HAPLN1: variants seen among roughly 807,000 people sequenced by gnomAD.
The protein encoded by HAPLN1 is Cartilage link protein.
A neutral mutation model predicts 36.5 loss-of-function variants in HAPLN1; 13 were observed. That is an observed-to-expected ratio of 0.36 (90% confidence interval 0.23 to 0.57). The LOEUF (loss-of-function observed/expected upper bound fraction) is 0.57. HAPLN1 is among the 20% of genes least tolerant of loss of function. The pLI is 0.83. For synonymous variants in HAPLN1, 202 were observed against 169.8 expected (o/e 1.19, Z -1.48); for missense variants, 407 against 439.7 (o/e 0.93, Z 0.66).
At position 83,677,131 on chromosome 5, in the gene HAPLN1, C is replaced by A. The variant is rs539662626; in HGVS notation, c.-26-3582G>T. ...TCAAACCAAGTGAAAGGCATGTGTGCTACTTCATGTGCCTTGAGAGCTAAC... is the reference window on the plus strand; with the variant it reads ...TCAAACCAAGTGAAAGGCATGTGTGATACTTCATGTGCCTTGAGAGCTAAC... On this transcript the variant is annotated intron_variant, in intron 1 of 4. Coordinates refer to ENST00000274341, the MANE Select transcript of HAPLN1 (RefSeq NM_001884.4). Among the ~76,000 whole-genome samples, 12 of 152,280 alleles carry A rather than the reference C, an allele frequency of 7.9e-5. No homozygotes were observed. In the South Asian group the frequency reaches 1.0e-3, roughly 13 times the overall value.
intron 1 of HAPLN1, among the ~76,000 whole-genome samples, chr5:83,707,932 A>G (rs1751688437): frequency 6.6e-6 from 1 of 152,252 alleles, no homozygotes; most frequent in Non-Finnish European, 1.5e-5. Context: ...CGAAGAAGGC[A>G]TACATGCAGC....
rs1046683406 is a variant in HAPLN1 at position 83,670,731 on chromosome 5, G to A, written c.100+2693C>T. Among the ~76,000 whole-genome samples the A allele has an allele frequency of 4.6e-5, 7 of 151,512 alleles. No homozygotes were observed. In the South Asian group the frequency reaches 1.5e-3, roughly 32 times the overall value. On this transcript the variant is annotated intron_variant, in intron 2 of 4. Coordinates refer to ENST00000274341, the MANE Select transcript of HAPLN1 (RefSeq NM_001884.4). ...TGTGTGTGTGATGGAGTCTCGCTCT[G>A]TTGCCCAGGCTGGAGTGCAGTGGCA...
At chr5:83,676,881 T>A (rs758607428) in intron 1 of HAPLN1, among the ~76,000 whole-genome samples, 1 of 152,188 alleles carries the variant, frequency 6.6e-6, no homozygotes, top group African/African-American at 2.4e-5. Flanking sequence ...AACTGAAATG[T>A]CTATGTTCAT....
At chr5:83,686,392 C>T (rs1024193745) in intron 1 of HAPLN1, among the ~76,000 whole-genome samples, 2 of 152,082 alleles carry the variant, frequency 1.3e-5, no homozygotes, top group East Asian at 1.9e-4. Context: ...TCTAGTGAGG[C>T]TTTCTGAATT....
At position 83,651,140 on chromosome 5, in the gene HAPLN1, G is replaced by T. The variant is rs140464199; in HGVS notation, c.472+1313C>A. Among the ~76,000 whole-genome samples, 509 of 152,134 alleles carry T rather than the reference G, an allele frequency of 3.3e-3. 3 individuals are homozygous for T. The highest frequency in any genetic ancestry group is 0.012 in the African/African-American group (481 of 41,500). On this transcript the variant is annotated intron_variant, in intron 3 of 4. Transcript: ENST00000274341. ...ATTACTTAAGTTTAGGAAATATTTTGCTATATAAACATAGGGTTTTAGAAG... is the reference window on the plus strand; with the variant it reads ...ATTACTTAAGTTTAGGAAATATTTTTCTATATAAACATAGGGTTTTAGAAG...
At chr5:83,680,524 A>G (rs1750974070) in intron 1 of HAPLN1, among the ~76,000 whole-genome samples, 3 of 152,184 alleles carry the variant, frequency 2.0e-5, no homozygotes, top group South Asian at 4.1e-4. Flanking sequence ...GAGATTTCAT[A>G]TAGGTTTTTA....
Position 83,659,056 on chromosome 5 carries a change from C to G in HAPLN1, c.101-6232G>C, listed in dbSNP as rs902304026. ...TGGGAGGCAGAGGTAGGTGGATCAC[C>G]TGAGGTCAGGTGTTTGAGACCAGCC... On this transcript the variant is annotated intron_variant, in intron 2 of 4. Coordinates refer to ENST00000274341, the MANE Select transcript of HAPLN1 (RefSeq NM_001884.4). Among the ~76,000 whole-genome samples the G allele has an allele frequency of 3.3e-5, 5 of 152,150 alleles. No homozygotes were observed. In the South Asian group the frequency reaches 1.0e-3, roughly 32 times the overall value.
intron 2 of HAPLN1, among the ~76,000 whole-genome samples, chr5:83,657,644 C>G (rs571125364): frequency 5.2e-4 from 79 of 152,118 alleles, no homozygotes; most frequent in Non-Finnish European, 8.8e-4. Context: ...TTGGGAACCT[C>G]CCTGATACAA....
intron 1 of HAPLN1, among the ~76,000 whole-genome samples, chr5:83,716,262 C>A (rs975546407): frequency 1.3e-5 from 2 of 152,042 alleles, no homozygotes; most frequent in African/African-American, 4.8e-5. Context: ...AATTTAGTAA[C>A]CAGTAGAGTA....
intron 1 of HAPLN1, among the ~76,000 whole-genome samples, chr5:83,701,639 C>G (rs1487821754): frequency 6.6e-6 from 1 of 152,134 alleles, no homozygotes; most frequent in East Asian, 1.9e-4. Flanking sequence ...ATATTCAACA[C>G]ATGAAAAAGT....
intron 1 of HAPLN1, among the ~76,000 whole-genome samples, chr5:83,685,303 T>G (rs928004146): frequency 6.6e-6 from 1 of 152,190 alleles, no homozygotes; most frequent in African/African-American, 2.4e-5. Context: ...AGGGATGCTA[T>G]GTATGCCTCT....
intron 1 of HAPLN1, among the ~76,000 whole-genome samples, chr5:83,684,182 A>G (rs1751068329): frequency 6.6e-6 from 1 of 152,160 alleles, no homozygotes; most frequent in Non-Finnish European, 1.5e-5. Flanking sequence ...CAATCTGAGC[A>G]TATCCAAAGA....
At chr5:83,664,942 T>C (rs537310931) in intron 2 of HAPLN1, among the ~76,000 whole-genome samples, 6 of 152,292 alleles carry the variant, frequency 3.9e-5, no homozygotes, top group African/African-American at 1.4e-4. Context: ...TTTAGTACTT[T>C]GGTACTTTAA....
Position 83,645,475 on chromosome 5 carries a change from C to CTTTTTTTTTTTTTTTTTTTTTTTTTTTTT in HAPLN1, c.473-811_473-810insAAAAAAAAAAAAAAAAAAAAAAAAAAAAA. On this transcript the variant is annotated intron_variant, in intron 3 of 4. Coordinates refer to ENST00000274341, the MANE Select transcript of HAPLN1 (RefSeq NM_001884.4). ...GTGATTTTCTTTTTTCTTTTTCTTTCTTTTTTTTTTTTTTTTAGCTCATCA... is the reference window on the plus strand; with the variant it reads ...GTGATTTTCTTTTTTCTTTTTCTTTCTTTTTTTTTTTTTTTTTTTTTTTTTTTTTTTTTTTTTTTTTTTTTAGCTCATCA... Among the ~76,000 whole-genome samples the CTTTTTTTTTTTTTTTTTTTTTTTTTTTTT allele has an allele frequency of 3.8e-4, 28 of 74,320 alleles. 1 individual carries two copies. Among genetic ancestry groups the CTTTTTTTTTTTTTTTTTTTTTTTTTTTTT allele is most frequent in the South Asian group, 5.2e-4 (1 of 1,918 alleles). The allele number at this position is 74,320 out of a possible 152,430, so 48.8% of individuals were successfully genotyped here.
chr5:83,680,858 T>C (rs1750982337), intron 1 of HAPLN1, among the ~76,000 whole-genome samples: 1 of 152,136 alleles, frequency 6.6e-6, no homozygotes. Flanking sequence ...TAAAATCACC[T>C]CATGAACAAT....
At chr5:83,677,904 C>T (rs920871301) in intron 1 of HAPLN1, among the ~76,000 whole-genome samples, 20 of 152,134 alleles carry the variant, frequency 1.3e-4, no homozygotes, top group Non-Finnish European at 5.9e-5. Flanking sequence ...GGAATGAGTT[C>T]AGGAGTCACT....
At chr5:83,710,793 A>G (rs1751763453) in intron 1 of HAPLN1, among the ~76,000 whole-genome samples, 1 of 152,114 alleles carries the variant, frequency 6.6e-6, no homozygotes, top group African/African-American at 2.4e-5. Context: ...TCTACTAAAA[A>G]TACAAAAATT....
intron 2 of HAPLN1, among the ~76,000 whole-genome samples, chr5:83,668,258 G>A (rs1183204074): frequency 6.6e-6 from 1 of 152,150 alleles, no homozygotes; most frequent in Non-Finnish European, 1.5e-5. Context: ...GCTACAGAGA[G>A]AAAGAAAAGA....
At chr5:83,712,262 T>TTA (rs1353440393) in intron 1 of HAPLN1, among the ~76,000 whole-genome samples, 1 of 152,128 alleles carries the variant, frequency 6.6e-6, no homozygotes, top group Non-Finnish European at 1.5e-5. Flanking sequence ...CAGTTAGAAT[T>TTA]TATACCTGTT....
Sources: allele counts gnomAD v4.1 joint callset (sites outside exome capture counted in the v4.1 genomes callset), GRCh38; gene constraint gnomAD v4.1.1; transcripts MANE v1.5; gene names NCBI Gene and HGNC (gene_info 2026-07-23, HGNC 2026-07-21).